The following CPEB4 variants were observed in gnomAD, a reference collection of about 807,000 sequenced individuals.
The protein encoded by CPEB4 is cytoplasmic polyadenylation element-binding protein 4.
A neutral mutation model predicts 72.5 loss-of-function variants in CPEB4; 12 were observed. The observed-to-expected ratio is 0.17, with a 90% confidence interval of 0.11 to 0.27. CPEB4 has a LOEUF of 0.27. CPEB4 is among the 10% of genes least tolerant of loss of function. The pLI is 1.00. For synonymous variants in CPEB4, 302 were observed against 326.3 expected, an observed-to-expected ratio of 0.93 and a Z score of 0.80; for missense variants, 614 against 908.5, an observed-to-expected ratio of 0.68 and a Z score of 4.17.
chr5:173,942,399 C>T (rs561172962), intron 3 of CPEB4, among the ~76,000 whole-genome samples: 22 of 152,188 alleles, frequency 1.4e-4, no homozygotes, highest in Non-Finnish European at 2.9e-4. Flanking sequence ...TATTAATTAC[C>T]TTTACTTTGC....
intron 1 of CPEB4, among the ~76,000 whole-genome samples, chr5:173,892,803 T>G (rs1198883548): frequency 2.0e-5 from 3 of 152,182 alleles, no homozygotes; most frequent in Non-Finnish European, 4.4e-5. Context: ...CTTTGGAGAT[T>G]AAGTTGATTT....
rs34845457 is a variant in CPEB4 at position 173,939,341 on chromosome 5, GTACATACATACA to G, written c.1259-3664_1259-3653del. 2.0e-4 allele frequency among the ~76,000 whole-genome samples: 30 copies of G among 150,514 alleles called. 2 individuals carry two copies. Among genetic ancestry groups the G allele is most frequent in the South Asian group, 8.4e-4 (4 of 4,754 alleles). Reference sequence around the variant, plus strand: ...TAATAGGGTTGCTCCTTTGAAATACGTACATACATACATACATACATACATACATACAAATGC... The same window carrying G: ...TAATAGGGTTGCTCCTTTGAAATACGTACATACATACATACATACAAATGC... On this transcript the variant is annotated intron_variant, in intron 3 of 9. Coordinates refer to ENST00000265085, the MANE Select transcript of CPEB4 (RefSeq NM_030627.4).
At position 173,959,254 on chromosome 5, in the gene CPEB4, A is replaced by T. The variant is rs1216062439; in HGVS notation, c.*3117A>T. 6.5e-6 allele frequency: 1 copy of T among 152,796 alleles called. No homozygotes were observed. Among genetic ancestry groups the T allele is most frequent in the Non-Finnish European group, 1.5e-5 (1 of 68,026 alleles). 9.5% of individuals were successfully genotyped at this position (152,796 alleles called of 1,614,324 possible). On this transcript the variant is annotated 3_prime_UTR_variant, in exon 10 of 10. Transcript: ENST00000265085. ...AGAGTAATTACATGGTGATTTTTGC[A>T]ATGTAAAATAAAGTGTTTCTGATTA...
At chr5:173,901,465 A>G (rs754980847) in intron 1 of CPEB4, among the ~76,000 whole-genome samples, 2 of 152,228 alleles carry the variant, frequency 1.3e-5, no homozygotes, top group Non-Finnish European at 2.9e-5. Flanking sequence ...CCTGCTTCAG[A>G]TAATTACCAC....
chr5:173,889,567 C>A lies in CPEB4; in HGVS notation c.-167C>A. On this transcript the variant is annotated 5_prime_UTR_variant, in exon 1 of 10. Transcript: ENST00000265085. ...GTTTTTTCTTTCAGAGACCAGAATT[C>A]CAAATCAGAACAATTTAAGGTGATA... 6 of 521,638 alleles carry A rather than the reference C, an allele frequency of 1.2e-5. No individual in the cohort carries two copies. Among genetic ancestry groups the A allele is most frequent in the Non-Finnish European group, 1.3e-5 (4 of 299,632 alleles). The allele number at this position is 521,638 out of a possible 1,614,324, so 32.3% of individuals were successfully genotyped here. A position where few individuals can be genotyped will look rare whatever the true frequency, so the allele number is the denominator to read the frequency against.
At chr5:173,948,175 A>G (rs1164771693) in intron 5 of CPEB4, among the ~76,000 whole-genome samples, 1 of 152,192 alleles carries the variant, frequency 6.6e-6, no homozygotes, top group African/African-American at 2.4e-5. Context: ...TAACTAATAT[A>G]TGTAGAAGGA....
intron 1 of CPEB4, among the ~76,000 whole-genome samples, chr5:173,892,866 ACT>A (rs1755860262): frequency 6.6e-6 from 1 of 152,176 alleles, no homozygotes; most frequent in Non-Finnish European, 1.5e-5. Flanking sequence ...TTAGAAACTA[ACT>A]CTTCCCTTAG....
rs553556074 is a variant in CPEB4, at chr5:173,908,728, G to A, written c.1126-1795G>A. ...GTGGAGGACATCCTCTGTCAGCTTA[G>A]ATGTTCTAGAAGTTAGCTAGGAAAG... On this transcript the variant is annotated intron_variant, in intron 1 of 9. Coordinates refer to ENST00000265085, the MANE Select transcript of CPEB4 (RefSeq NM_030627.4). Among the ~76,000 whole-genome samples the A allele has an allele frequency of 1.2e-4, 19 of 152,322 alleles. No individual in the cohort carries two copies. In the Middle Eastern group the frequency reaches 0.014, roughly 109 times the overall value.
Position 173,950,633 on chromosome 5 carries a change from T to A in CPEB4, c.1665+555T>A, listed in dbSNP as rs72812846. Among the ~76,000 whole-genome samples the A allele has an allele frequency of 0.22, 31,030 of 139,098 alleles. 4,138 individuals are homozygous for A. The highest frequency in any genetic ancestry group is 0.3 in the Non-Finnish European group (18,906 of 63,244). The allele number at this position is 139,098 out of a possible 152,430, so 91.3% of individuals were successfully genotyped here. ...TAAAATAAAATAAAATAAAATAAAA[T>A]AAAAAACCAGACTTCATTTGATAAT... is the stretch of plus-strand genomic sequence containing the variant. On this transcript the variant is annotated intron_variant, in intron 7 of 9. Transcript: ENST00000265085. This position sits in a 1 kb window ranked among gnomAD's most constrained non-coding sequence, Gnocchi z 5.0.
intron 2 of CPEB4, among the ~76,000 whole-genome samples, chr5:173,915,242 AT>A (rs913154738): frequency 7.3e-5 from 11 of 151,526 alleles, no homozygotes; most frequent in South Asian, 4.2e-4. Context: ...TGGAAAACTT[AT>A]TTTTTTTTAA....
intron 3 of CPEB4, among the ~76,000 whole-genome samples, chr5:173,934,203 A>G (rs764139849): frequency 2.0e-5 from 3 of 152,108 alleles, no homozygotes; most frequent in Non-Finnish European, 4.4e-5. Flanking sequence ...AAAAAAGTAT[A>G]CTATTATGAG....
intron 3 of CPEB4, among the ~76,000 whole-genome samples, chr5:173,935,860 G>A (rs1050285247): frequency 7.2e-5 from 11 of 152,286 alleles, no homozygotes; most frequent in African/African-American, 2.4e-4. Context: ...AAGATAAATA[G>A]GGTGTATTCA....
intron 8 of CPEB4, among the ~76,000 whole-genome samples, 166 bp from the exon 9 acceptor site, chr5:173,952,925 A>T (rs1192928173): frequency 6.6e-6 from 1 of 152,240 alleles, no homozygotes; most frequent in East Asian, 1.9e-4. Context: ...CAATTAAAAG[A>T]TTAAGGCTTA....
At chr5:173,953,475 A>G in intron 9 of CPEB4, 1 of 428,194 alleles carries the variant, frequency 2.3e-6, no homozygotes, top group Non-Finnish European at 4.1e-6. Context: ...TAATCAGAAC[A>G]CTACAATTTA....
chr5:173,918,068 A>G (rs973958676), intron 2 of CPEB4: 6 of 152,232 alleles, frequency 3.9e-5, no homozygotes, highest in African/African-American at 1.4e-4. Flanking sequence ...GAGGACGTTA[A>G]ATAGCAAAGA....
chr5:173,932,645 T>C (rs1581149252), intron 3 of CPEB4, 145 bp downstream of exon 3: 1 of 603,602 alleles, frequency 1.7e-6, no homozygotes, highest in Non-Finnish European at 2.8e-6. Flanking sequence ...GAATGATTCT[T>C]TTAGCTCACA....
chr5:173,898,830 C>T (rs1444365253), intron 1 of CPEB4, among the ~76,000 whole-genome samples: 1 of 152,184 alleles, frequency 6.6e-6, no homozygotes, highest in Non-Finnish European at 1.5e-5. Context: ...GCATGTGCCA[C>T]CAGGCCCATC....
rs145136640 is a variant in CPEB4, at chr5:173,931,594, G to A, written c.1208-856G>A. On this transcript the variant is annotated intron_variant, in intron 2 of 9. Transcript: ENST00000265085. Reference sequence around the variant, plus strand: ...ATGTGGGCTTTGGAGATGTAAAAGTGTTGCATGATGATTCTTATTTTATAA... The same window carrying A: ...ATGTGGGCTTTGGAGATGTAAAAGTATTGCATGATGATTCTTATTTTATAA... Among the ~76,000 whole-genome samples the A allele has an allele frequency of 5.9e-5, 9 of 152,276 alleles. No individual in the cohort carries two copies. In the East Asian group the frequency reaches 1.7e-3, roughly 29 times the overall value.
intron 3 of CPEB4, among the ~76,000 whole-genome samples, chr5:173,939,086 A>G (rs1234221029): frequency 6.6e-6 from 1 of 152,210 alleles, no homozygotes; most frequent in Non-Finnish European, 1.5e-5. Flanking sequence ...CCAGGAGTTG[A>G]GACCAGCCTG....
Sources: gnomAD v4.1 joint callset for allele counts (sites outside exome capture counted in the v4.1 genomes callset) on GRCh38, gnomAD v4.1.1 for gene constraint, Gnocchi (gnomAD v3.1) non-coding constraint, MANE v1.5 for transcripts, NCBI Gene and HGNC (gene_info 2026-07-23, HGNC 2026-07-21) for gene names.